The following DLG2 variants were observed in gnomAD, a reference collection of about 807,000 sequenced individuals.
The protein encoded by DLG2 is discs large MAGUK scaffold protein 2.
DLG2 carries 45 observed loss-of-function variants against 132.5 expected under a neutral mutation model. That is an observed-to-expected ratio of 0.34 (90% CI 0.27 to 0.44). The LOEUF is 0.44. Ranked by LOEUF, DLG2 falls within the 20% of genes least tolerant of loss-of-function variation. The pLI is 1.00. For synonymous variants in DLG2, 424 were observed against 419.6 expected (o/e 1.01, Z -0.13); for missense variants, 1,045 against 1,196.9 (o/e 0.87, Z 1.87).
chr11:85,053,455 T>G (rs1218609205), intron 6 of DLG2, among the ~76,000 whole-genome samples: 1 of 151,872 alleles, frequency 6.6e-6, no homozygotes, highest in East Asian at 1.9e-4. Context: ...ATAAACTTTA[T>G]CCTTACTAAT....
At chr11:85,270,218 T>C (rs183372980) in intron 4 of DLG2, among the ~76,000 whole-genome samples, 3 of 152,302 alleles carry the variant, frequency 2.0e-5, no homozygotes, top group African/African-American at 7.2e-5. Context: ...TGGGGGCAAG[T>C]CTTTCCCATG....
intron 18 of DLG2, among the ~76,000 whole-genome samples, chr11:83,667,642 T>C (rs997197154): frequency 6.6e-6 from 1 of 152,142 alleles, no homozygotes; most frequent in African/African-American, 2.4e-5. Flanking sequence ...GGTGGCTAAC[T>C]TCCTTCTAGT....
chr11:84,204,574 G>A (rs941872087), intron 8 of DLG2, among the ~76,000 whole-genome samples: 2 of 151,654 alleles, frequency 1.3e-5, no homozygotes, highest in African/African-American at 2.4e-5. Context: ...TACTAATGGT[G>A]GACTTAAATG....
chr11:84,243,307 C>A (rs2097260164), intron 8 of DLG2, among the ~76,000 whole-genome samples: 1 of 151,902 alleles, frequency 6.6e-6, no homozygotes, highest in Non-Finnish European at 1.5e-5. Context: ...TTTAAATAAC[C>A]ATATGTGACT....
At chr11:83,733,668 G>A (rs17159816) in intron 18 of DLG2, among the ~76,000 whole-genome samples, 1 of 151,958 alleles carries the variant, frequency 6.6e-6, no homozygotes, top group African/African-American at 2.4e-5. Flanking sequence ...ATCATCACTT[G>A]TCTCTAGCCC....
chr11:85,578,132 C>T (rs747665078), intron 3 of DLG2, among the ~76,000 whole-genome samples: 13 of 152,056 alleles, frequency 8.5e-5, no homozygotes, highest in Non-Finnish European at 1.9e-4. Flanking sequence ...CAAAAACAAG[C>T]AATGGGGAAG....
intron 3 of DLG2, among the ~76,000 whole-genome samples, chr11:85,423,052 C>A (rs1416868399): frequency 6.6e-6 from 1 of 151,596 alleles, no homozygotes; most frequent in Non-Finnish European, 1.5e-5. Context: ...TTTTTTGGTT[C>A]CTTCTCATTT....
chr11:84,102,463 A>G (rs1457339980), intron 9 of DLG2, among the ~76,000 whole-genome samples: 1 of 152,144 alleles, frequency 6.6e-6, no homozygotes, highest in Non-Finnish European at 1.5e-5. Context: ...ACAATATGGA[A>G]GTAGAAGCCA....
chr11:84,173,750 G>C (rs1382455310), intron 8 of DLG2, among the ~76,000 whole-genome samples: 1 of 152,064 alleles, frequency 6.6e-6, no homozygotes, highest in Non-Finnish European at 1.5e-5. Flanking sequence ...ATCAACAAAA[G>C]CTTTTTCACA....
At chr11:84,135,043 T>C (rs1289852351) in intron 9 of DLG2, among the ~76,000 whole-genome samples, 3 of 152,134 alleles carry the variant, frequency 2.0e-5, no homozygotes, top group Non-Finnish European at 4.4e-5. Context: ...TACTATCTAA[T>C]ATATTACTTA....
At chr11:85,100,816 T>C (rs1488093692) in intron 6 of DLG2, among the ~76,000 whole-genome samples, 2 of 152,128 alleles carry the variant, frequency 1.3e-5, no homozygotes, top group African/African-American at 2.4e-5. Flanking sequence ...ACATGCCAGC[T>C]ACCTGGTCAT....
chr11:84,913,223 C>T (rs2092233637), intron 6 of DLG2, among the ~76,000 whole-genome samples: 1 of 152,184 alleles, frequency 6.6e-6, no homozygotes, highest in Non-Finnish European at 1.5e-5. Context: ...AAAACCCCAG[C>T]TCAAAGCCAT....
chr11:83,955,061 G>A (rs879692068), intron 14 of DLG2, among the ~76,000 whole-genome samples: 63 of 152,104 alleles, frequency 4.1e-4, no homozygotes, highest in Non-Finnish European at 3.2e-4. Flanking sequence ...TTTGTATCAC[G>A]GTTCATCTTA....
At chr11:83,801,801 A>G (rs963688455) in intron 17 of DLG2, among the ~76,000 whole-genome samples, 5 of 152,090 alleles carry the variant, frequency 3.3e-5, no homozygotes, top group Non-Finnish European at 7.4e-5. Flanking sequence ...AGAGACCTTG[A>G]GTGTCTCTTT....
intron 6 of DLG2, chr11:84,720,512 C>T: frequency 1.0e-6 from 1 of 984,358 alleles, no homozygotes; most frequent in Non-Finnish European, 1.2e-6. Flanking sequence ...CCCCTGCACC[C>T]GCCGTGGCCA....
At chr11:84,207,958 G>A (rs1238034319) in intron 8 of DLG2, among the ~76,000 whole-genome samples, 1 of 151,924 alleles carries the variant, frequency 6.6e-6, no homozygotes, top group Non-Finnish European at 1.5e-5. Flanking sequence ...TCTTTACATG[G>A]GGAAAAAAGG....
intron 9 of DLG2, among the ~76,000 whole-genome samples, chr11:84,121,129 C>A (rs2154201304): frequency 6.6e-6 from 1 of 152,296 alleles, no homozygotes; most frequent in African/African-American, 2.4e-5. Context: ...ATACGGTGAA[C>A]AAAACAGGCA....
At chr11:84,404,650 T>A (rs750381169) in intron 7 of DLG2, among the ~76,000 whole-genome samples, 4 of 152,188 alleles carry the variant, frequency 2.6e-5, no homozygotes, top group Non-Finnish European at 5.9e-5. Context: ...GTGTTTGTCT[T>A]ATTTCCTATC....
chr11:84,338,730 C>G, intron 7 of DLG2, among the ~76,000 whole-genome samples: 1 of 152,068 alleles, frequency 6.6e-6, no homozygotes, highest in Non-Finnish European at 1.5e-5. Flanking sequence ...CGCTTGAGTC[C>G]AGGAGGCAGA....
Sources: allele counts gnomAD v4.1 joint callset (sites outside exome capture counted in the v4.1 genomes callset), GRCh38; gene constraint gnomAD v4.1.1; transcripts MANE v1.5; gene names NCBI Gene and HGNC (gene_info 2026-07-23, HGNC 2026-07-21).